Variants in XKR4 observed in about 807,000 individuals in gnomAD.
XKR4 encodes the protein XK related 4, also known as XK-related protein 4.
XKR4 carries 12 observed loss-of-function variants against 53.9 expected under a neutral mutation model. The ratio of observed to expected loss-of-function variants is 0.22; its 90% confidence interval spans 0.14 to 0.36. XKR4 has a LOEUF of 0.36. XKR4 is among the 10% of genes least tolerant of loss of function. The probability of loss-of-function intolerance (pLI) is 1.00; values close to 1 mark genes in which losing one functional copy is unlikely to be tolerated. For missense variants in XKR4, 799 were observed against 859.5 expected, an observed-to-expected ratio of 0.93 and a Z score of 0.88; for synonymous variants, 354 against 362.4, an observed-to-expected ratio of 0.98 and a Z score of 0.26.
chr8:55,121,082 C>T (rs1816384709), intron 1 of XKR4, among the ~76,000 whole-genome samples: 1 of 152,112 alleles, frequency 6.6e-6, no homozygotes, highest in Non-Finnish European at 1.5e-5. Context: ...ATTCTGTTGT[C>T]TGGATGTACT....
At chr8:55,379,165 G>A (rs1055041959) in intron 2 of XKR4, among the ~76,000 whole-genome samples, 1 of 152,048 alleles carries the variant, frequency 6.6e-6, no homozygotes, top group Non-Finnish European at 1.5e-5. Flanking sequence ...GCTGGTGGCC[G>A]GGAAGAAGAC....
At chr8:55,294,794 C>T (rs1819079027) in intron 1 of XKR4, among the ~76,000 whole-genome samples, 1 of 152,156 alleles carries the variant, frequency 6.6e-6, no homozygotes, top group African/African-American at 2.4e-5. Flanking sequence ...TGAGTGTTTG[C>T]AGCCTTTGTT....
At chr8:55,415,914 C>T (rs1398013987) in intron 2 of XKR4, among the ~76,000 whole-genome samples, 1 of 152,148 alleles carries the variant, frequency 6.6e-6, no homozygotes, top group Non-Finnish European at 1.5e-5. Flanking sequence ...TGGATGCCCT[C>T]ATTATTATTG....
At chr8:55,271,211 G>A (rs1414252946) in intron 1 of XKR4, among the ~76,000 whole-genome samples, 5 of 151,590 alleles carry the variant, frequency 3.3e-5, no homozygotes, top group Admixed American at 6.6e-5. Context: ...CTCTTTCAAC[G>A]TGTGGAATCT....
At chr8:55,311,468 G>A (rs1305367079) in intron 1 of XKR4, among the ~76,000 whole-genome samples, 1 of 152,210 alleles carries the variant, frequency 6.6e-6, no homozygotes, top group Non-Finnish European at 1.5e-5. Flanking sequence ...AATAAGCCCA[G>A]TGTAACCAGA....
chr8:55,111,733 G>T (rs1050155925), intron 1 of XKR4, among the ~76,000 whole-genome samples: 1 of 152,140 alleles, frequency 6.6e-6, no homozygotes, highest in Non-Finnish European at 1.5e-5. Flanking sequence ...CATGTGGTGA[G>T]GTATGCATAG....
chr8:55,111,546 A>G (rs546205422), intron 1 of XKR4, among the ~76,000 whole-genome samples: 2 of 152,344 alleles, frequency 1.3e-5, no homozygotes, highest in South Asian at 2.1e-4. Context: ...TCTTAAGCGT[A>G]TTTACATAAT....
intron 1 of XKR4, among the ~76,000 whole-genome samples, chr8:55,193,585 T>C (rs1436329347): frequency 6.6e-6 from 1 of 152,206 alleles, no homozygotes; most frequent in East Asian, 1.9e-4. Flanking sequence ...ACCTTCCTGA[T>C]AGATCCCTTC....
At chr8:55,307,501 T>A (rs1819320741) in intron 1 of XKR4, among the ~76,000 whole-genome samples, 1 of 151,918 alleles carries the variant, frequency 6.6e-6, no homozygotes, top group Admixed American at 6.6e-5. Context: ...ACAATAATTT[T>A]AAAAATTAGC....
chr8:55,495,505 C>T (rs1396897899), intron 2 of XKR4, among the ~76,000 whole-genome samples: 1 of 152,236 alleles, frequency 6.6e-6, no homozygotes, highest in Non-Finnish European at 1.5e-5. Context: ...TCTACCCATT[C>T]CTCCGTGCCC....
intron 2 of XKR4, among the ~76,000 whole-genome samples, chr8:55,398,309 C>G (rs956487684): frequency 7.2e-5 from 11 of 152,162 alleles, no homozygotes; most frequent in African/African-American, 2.7e-4. Flanking sequence ...TCGCCATGCA[C>G]CTTTGCCCCA....
At position 55,480,494 on chromosome 8, in the gene XKR4, G is replaced by C. The variant is rs555122657; in HGVS notation, c.1007-42787G>C. The stretch of plus-strand genomic sequence containing the variant: ...GCATTCCCTTTGAAAACTGGCACAA[G>C]ACAGGGATGCCCTCTCTCACTACTC... On this transcript the variant is annotated intron_variant, in intron 2 of 2. Transcript: ENST00000327381. Among the ~76,000 whole-genome samples, 3 of 152,256 alleles carry C rather than the reference G, an allele frequency of 2.0e-5. No homozygotes were observed. In the East Asian group the frequency reaches 5.8e-4, roughly 29 times the overall value.
chr8:55,230,654 C>A (rs965189704), intron 1 of XKR4, among the ~76,000 whole-genome samples: 1 of 152,162 alleles, frequency 6.6e-6, no homozygotes, highest in Non-Finnish European at 1.5e-5. Flanking sequence ...AGGCATGAGC[C>A]ACCGTGCCCA....
At chr8:55,267,134 G>A (rs1295050078) in intron 1 of XKR4, among the ~76,000 whole-genome samples, 2 of 152,126 alleles carry the variant, frequency 1.3e-5, no homozygotes, top group Admixed American at 1.3e-4. Context: ...AAGTAGGTGT[G>A]GGAGGTGAAG....
chr8:55,499,311 G>A (rs1007860321), intron 2 of XKR4, among the ~76,000 whole-genome samples: 3 of 152,168 alleles, frequency 2.0e-5, no homozygotes, highest in Non-Finnish European at 2.9e-5. Flanking sequence ...TTTAAAGAAA[G>A]GGGTTATTAA....
At chr8:55,490,938 C>A (rs1314836826) in intron 2 of XKR4, among the ~76,000 whole-genome samples, 2 of 151,954 alleles carry the variant, frequency 1.3e-5, no homozygotes, top group African/African-American at 4.8e-5. Flanking sequence ...CTGCCCCCCC[C>A]CCACCTTTAT....
chr8:55,453,951 C>T (rs569321067), intron 2 of XKR4: 65 of 687,874 alleles, frequency 9.4e-5, no homozygotes, highest in Non-Finnish European at 1.1e-4. Flanking sequence ...TCGTCCTCCA[C>T]CAGCCCACAC....
intron 1 of XKR4, among the ~76,000 whole-genome samples, chr8:55,344,400 G>A (rs185833116): frequency 2.6e-5 from 4 of 150,960 alleles, no homozygotes; most frequent in Admixed American, 1.3e-4. Context: ...ATTCTATCAC[G>A]ATCACTGCTT....
intron 2 of XKR4, among the ~76,000 whole-genome samples, chr8:55,463,051 C>A (rs1457814602): frequency 6.6e-6 from 1 of 152,142 alleles, no homozygotes; most frequent in East Asian, 1.9e-4. Context: ...CCACTGTCAA[C>A]ATTAGACAGA....
Sources: gnomAD v4.1 joint callset for allele counts (sites outside exome capture counted in the v4.1 genomes callset) on GRCh38, gnomAD v4.1.1 for gene constraint, MANE v1.5 for transcripts, NCBI Gene and HGNC (gene_info 2026-07-23, HGNC 2026-07-21) for gene names.